SMARCA4: variants seen among roughly 807,000 people sequenced by gnomAD.
SMARCA4 encodes the protein SWI/SNF related BAF chromatin remodeling complex subunit ATPase 4, also known as SWI/SNF-related matrix-associated actin-dependent regulator of chromatin subfamily A member 4.
In SMARCA4, 31 loss-of-function variants were observed where a neutral mutation model predicts 193.9. That is an observed-to-expected ratio of 0.16 (90% CI 0.12 to 0.22). SMARCA4 has a LOEUF of 0.22. Among genes scored for constraint, SMARCA4 ranks in the 10% least tolerant of loss-of-function variants. SMARCA4 has a pLI of 1.00. For synonymous variants in SMARCA4, 942 were observed against 933.1 expected, an observed-to-expected ratio of 1.01 and a Z score of -0.17; for missense variants, 1,148 against 2,296.0, an observed-to-expected ratio of 0.50 and a Z score of 10.22.
At chr19:10,989,465 G>T (rs774908179) in intron 7 of SMARCA4, 22 bp downstream of exon 7, 1 of 1,613,440 alleles carries the variant, frequency 6.2e-7, no homozygotes, top group African/African-American at 1.3e-5. Context: ...CATGGCCGCA[G>T]CTTTCCGAAA....
intron 8 of SMARCA4, among the ~76,000 whole-genome samples, chr19:10,993,309 A>G (rs1209864854): frequency 1.3e-5 from 2 of 152,194 alleles, no homozygotes; most frequent in African/African-American, 2.4e-5. Context: ...TTTAAGTATC[A>G]TGGAAACATG....
At chr19:11,054,463 A>G (rs2076431663) in intron 30 of SMARCA4, among the ~76,000 whole-genome samples, 1 of 152,184 alleles carries the variant, frequency 6.6e-6, no homozygotes, top group Non-Finnish European at 1.5e-5. Context: ...CCCTGGGGGA[A>G]GGACTGACAG....
chr19:11,018,879 C>T, intron 16 of SMARCA4, 78 bp from the exon 17 acceptor site: 1 of 1,225,604 alleles, frequency 8.2e-7, no homozygotes, highest in South Asian at 1.2e-5. Context: ...TCGCCCCTGA[C>T]AGCCAGTGGC....
intron 30 of SMARCA4, among the ~76,000 whole-genome samples, chr19:11,045,842 GGGAGGCCGAGGC>G (rs2075873180): frequency 6.6e-6 from 1 of 152,168 alleles, no homozygotes; most frequent in Admixed American, 6.5e-5. Context: ...CCAGCACTTT[GGGAGGCCGAGGC>G]GGAGGATCAC....
intron 29 of SMARCA4, among the ~76,000 whole-genome samples, chr19:11,036,178 C>T (rs1315984813): frequency 2.0e-5 from 3 of 152,224 alleles, no homozygotes; most frequent in Non-Finnish European, 4.4e-5. Context: ...CTCCCAAGCA[C>T]AGCGCTCCAG....
chr19:10,972,443 G>C (rs2084750541), intron 1 of SMARCA4, among the ~76,000 whole-genome samples: 1 of 150,936 alleles, frequency 6.6e-6, no homozygotes. Flanking sequence ...CTTTCTATGT[G>C]ACATTGTGTC....
At chr19:11,024,551 C>T (rs1166078452) in intron 21 of SMARCA4, 113 bp downstream of exon 21, 1 of 743,214 alleles carries the variant, frequency 1.3e-6, no homozygotes, top group East Asian at 2.6e-5. Context: ...TCATGATCCC[C>T]AGGGCATCTG....
intron 6 of SMARCA4, among the ~76,000 whole-genome samples, chr19:10,988,370 G>A (rs2086256028): frequency 6.6e-6 from 1 of 152,084 alleles, no homozygotes; most frequent in African/African-American, 2.4e-5. Context: ...TGCTCCCAAA[G>A]TGCTGGGATT....
intron 30 of SMARCA4, among the ~76,000 whole-genome samples, chr19:11,049,398 T>C (rs1258964894): frequency 1.3e-5 from 2 of 151,990 alleles, no homozygotes; most frequent in African/African-American, 4.8e-5. Context: ...AATCAGAACA[T>C]GCAGAAACGT....
chr19:10,981,114 C>T (rs561126602), intron 1 of SMARCA4, among the ~76,000 whole-genome samples: 79 of 152,346 alleles, frequency 5.2e-4, no homozygotes, highest in African/African-American at 1.9e-3. Flanking sequence ...CTATAGGTCC[C>T]TGAATATCAC....
chr19:11,060,017 G>T (rs1312909210), intron 33 of SMARCA4, 28 bp from the exon 34 acceptor site: 2 of 1,594,866 alleles, frequency 1.3e-6, no homozygotes, highest in Non-Finnish European at 1.7e-6. Flanking sequence ...AGAGCTCAAG[G>T]CTGTCTTTCC....
At chr19:11,001,347 C>T (rs922774557) in intron 11 of SMARCA4, among the ~76,000 whole-genome samples, 4 of 152,048 alleles carry the variant, frequency 2.6e-5, no homozygotes, top group East Asian at 1.9e-4. Flanking sequence ...TGTGCACTTG[C>T]GGTCCCAGCT....
chr19:11,013,509 A>T (rs1049131681), intron 16 of SMARCA4, among the ~76,000 whole-genome samples: 2 of 152,022 alleles, frequency 1.3e-5, no homozygotes, highest in Admixed American at 1.3e-4. Context: ...GGACTGCTCC[A>T]CCAGCCTCGG....
In SMARCA4 at chr19:11,033,233, C is replaced by A; in HGVS notation, c.3547-57C>A. 1 of 1,359,568 alleles carries A rather than the reference C, an allele frequency of 7.4e-7. No homozygotes were observed. The highest frequency in any genetic ancestry group is 1.1e-6 in the Non-Finnish European group (1 of 950,046). The allele number at this position is 1,359,568 out of a possible 1,614,324, so 84.2% of individuals were successfully genotyped here. On this transcript the variant is annotated intron_variant, in intron 25 of 34. Coordinates refer to ENST00000344626, the MANE Select transcript of SMARCA4 (RefSeq NM_003072.5). The surrounding 1 kb of genome is among the most constrained non-coding windows in gnomAD (Gnocchi z 9.8). Reference sequence around the variant, plus strand: ...CTCTCCAGCTAGTGTCAGAGGCCACCTTCCCTTTTATGACCTCCTGGGCTC... The same window carrying A: ...CTCTCCAGCTAGTGTCAGAGGCCACATTCCCTTTTATGACCTCCTGGGCTC...
chr19:11,004,533 G>A lies in SMARCA4; in HGVS notation c.2001+1136G>A, dbSNP rs867296258. On this transcript the variant is annotated intron_variant, in intron 13 of 34. Transcript: ENST00000344626. ...CCCAAAGTATTGGGATTACAGGCAC[G>A]AACCAGTGCGTCAAAGTCTGTTCTG... Among the ~76,000 whole-genome samples, 4 of 152,144 alleles carry A rather than the reference G, an allele frequency of 2.6e-5. No individual in the cohort carries two copies. The East Asian group carries it at 7.7e-4, about 29-fold the overall frequency.
chr19:11,000,499 C>T (rs2087528041), intron 11 of SMARCA4, among the ~76,000 whole-genome samples: 1 of 152,056 alleles, frequency 6.6e-6, no homozygotes, highest in African/African-American at 2.4e-5. Context: ...TGCATTCCAG[C>T]CTGGGGAGCT....
intron 8 of SMARCA4, among the ~76,000 whole-genome samples, chr19:10,993,652 GT>G (rs937078513): frequency 9.6e-5 from 14 of 146,390 alleles, no homozygotes; most frequent in Non-Finnish European, 9.1e-5. Flanking sequence ...TGCTTAGTTT[GT>G]TTTTTTTTTT....
In SMARCA4 at chr19:11,024,348, G is replaced by A; in HGVS notation, c.2991G>A (p.Lys997=). ...CCCTGCAGGTGGAGTACGTCATCAA[G>A]TGCGACATGTCTGCGCTGCAGCGAG... is the stretch of plus-strand genomic sequence containing the variant. ...QLPEKVEYVI[K]CDMSALQRVL... The change falls in exon 21 of 35, where the codon AAG becomes AAA. Residue 997 remains lysine (K), a synonymous_variant. Coordinates refer to ENST00000344626, the MANE Select transcript of SMARCA4 (RefSeq NM_003072.5). 3 of 1,612,862 alleles carry A rather than the reference G, an allele frequency of 1.9e-6. No individual in the cohort carries two copies. Among genetic ancestry groups the A allele is most frequent in the South Asian group, 2.2e-5 (2 of 91,078 alleles).
intron 1 of SMARCA4, among the ~76,000 whole-genome samples, chr19:10,972,403 C>CT (rs56098845): frequency 0.2 from 29,744 of 145,568 alleles, 3,120 homozygotes; most frequent in Middle Eastern, 0.26. Flanking sequence ...GCCCTGAATA[C>CT]TTTTTTTTTT....
Sources: allele counts gnomAD v4.1 joint callset (sites outside exome capture counted in the v4.1 genomes callset), GRCh38; gene constraint gnomAD v4.1.1; non-coding constraint Gnocchi (gnomAD v3.1); transcripts MANE v1.5; gene names NCBI Gene and HGNC (gene_info 2026-07-23, HGNC 2026-07-21).